The following DIP2C variants were observed in gnomAD, a reference collection of about 807,000 sequenced individuals.
The protein encoded by DIP2C is DIP2 acetate--CoA ligase C (putative).
Under a neutral mutation model 192.4 loss-of-function variants are expected in DIP2C, and 33 were observed. That is an observed-to-expected ratio of 0.17 (90% confidence interval 0.13 to 0.23). DIP2C has a LOEUF of 0.23. Among genes scored for constraint, DIP2C ranks in the 10% least tolerant of loss-of-function variants. The pLI, the probability that DIP2C is intolerant of heterozygous loss-of-function variation, is 1.00. For missense variants in DIP2C, 1,537 were observed against 2,110.1 expected (o/e 0.73, Z 5.32); for synonymous variants, 979 against 864.1 (o/e 1.13, Z -2.33).
At chr10:680,991 G>A (rs535717951) in intron 1 of DIP2C, among the ~76,000 whole-genome samples, 206 of 151,218 alleles carry the variant, frequency 1.4e-3, no homozygotes, top group African/African-American at 3.4e-3. Context: ...CACCGCCTGC[G>A]GCCACGGAAA....
chr10:393,792 A>AAAAAG (rs1963696176), intron 10 of DIP2C, among the ~76,000 whole-genome samples: 1 of 134,932 alleles, frequency 7.4e-6, no homozygotes, highest in Non-Finnish European at 1.7e-5. Context: ...AAAAAAAAAA[A>AAAAAG]AAAAGAAAAA....
chr10:365,634 G>A (rs1179207663), intron 19 of DIP2C, among the ~76,000 whole-genome samples: 1 of 152,244 alleles, frequency 6.6e-6, no homozygotes, highest in African/African-American at 2.4e-5. Flanking sequence ...TCTAAGGCCA[G>A]GACCTACTTG....
chr10:491,826 A>G (rs1844468062), intron 1 of DIP2C, among the ~76,000 whole-genome samples: 1 of 152,172 alleles, frequency 6.6e-6, no homozygotes, highest in South Asian at 2.1e-4. Flanking sequence ...TGATGGGAGG[A>G]CTCATGAACA....
chr10:283,562 G>T, intron 34 of DIP2C, 116 bp from the exon 35 acceptor site: 1 of 1,265,668 alleles, frequency 7.9e-7, no homozygotes, highest in Non-Finnish European at 1.1e-6. Flanking sequence ...ACGTTTCCTT[G>T]GACTGAATAA....
rs551948825 is a variant in DIP2C, at chr10:588,719, G to C, written c.85+100775C>G. 4.6e-5 allele frequency among the ~76,000 whole-genome samples: 7 copies of C among 152,342 alleles called. No individual in the cohort carries two copies. The South Asian group carries it at 1.4e-3, about 32-fold the overall frequency. ...GAGCTCCTCCAGCTGCCGTCCCGCA[G>C]GCGGGGAGGGTGGTGCCTGAACTGC... On this transcript the variant is annotated intron_variant, in intron 1 of 36. Transcript: ENST00000280886.
chr10:406,139 G>A (rs917785338), intron 9 of DIP2C, among the ~76,000 whole-genome samples: 3 of 152,178 alleles, frequency 2.0e-5, no homozygotes, highest in Non-Finnish European at 4.4e-5. Flanking sequence ...GTATCTGGAG[G>A]CCATACTATG....
intron 17 of DIP2C, among the ~76,000 whole-genome samples, chr10:374,010 G>C (rs1271894918): frequency 6.6e-6 from 1 of 151,960 alleles, no homozygotes; most frequent in Non-Finnish European, 1.5e-5. Context: ...ACCATACTTT[G>C]TCACCCCAAC....
At chr10:428,241 G>C (rs987672307) in intron 4 of DIP2C, among the ~76,000 whole-genome samples, 13 of 152,160 alleles carry the variant, frequency 8.5e-5, no homozygotes, top group African/African-American at 2.6e-4. Flanking sequence ...CAGAAAATTT[G>C]ATTTCTAGGG....
In DIP2C at chr10:666,895, A is replaced by G. The variant is rs1416021928; in HGVS notation, c.85+22599T>C. On this transcript the variant is annotated intron_variant, in intron 1 of 36. Coordinates refer to ENST00000280886, the MANE Select transcript of DIP2C (RefSeq NM_014974.3). The surrounding 1 kb of genome is among the most constrained non-coding windows in gnomAD (Gnocchi z 4.1). The stretch of plus-strand genomic sequence containing the variant: ...CAGTGCGCCTCCCAAAATCAGAAGC[A>G]GCTAAGCTGACCCCCACCTCATGTG... 1 of 152,428 alleles carries G rather than the reference A, an allele frequency of 6.6e-6. No homozygotes were observed. Among genetic ancestry groups the G allele is most frequent in the African/African-American group, 2.4e-5 (1 of 41,442 alleles). 9.4% of individuals were successfully genotyped at this position (152,428 alleles called of 1,614,324 possible). A position where few individuals can be genotyped will look rare whatever the true frequency, so the allele number is the denominator to read the frequency against.
intron 1 of DIP2C, among the ~76,000 whole-genome samples, chr10:489,291 G>A (rs911975066): frequency 5.3e-5 from 8 of 152,198 alleles, no homozygotes; most frequent in Non-Finnish European, 1.0e-4. Context: ...AAACCTTCTA[G>A]CAGCACTTTT....
At chr10:491,073 C>T (rs1354228118) in intron 1 of DIP2C, among the ~76,000 whole-genome samples, 1 of 152,222 alleles carries the variant, frequency 6.6e-6, no homozygotes, top group South Asian at 2.1e-4. Flanking sequence ...GACAGACACC[C>T]GGCCCTTGTG....
At chr10:341,129 G>A in intron 29 of DIP2C, 70 bp downstream of exon 29, 1 of 1,602,970 alleles carries the variant, frequency 6.2e-7, no homozygotes, top group South Asian at 1.1e-5. Flanking sequence ...AGGTTGCCTG[G>A]CTGGGTCTAA....
At chr10:537,326 G>C (rs1847745567) in intron 1 of DIP2C, among the ~76,000 whole-genome samples, 1 of 152,194 alleles carries the variant, frequency 6.6e-6, no homozygotes, top group South Asian at 2.1e-4. Context: ...GACTCAAACA[G>C]AGCAAGTGCA....
At chr10:492,617 C>A (rs775108024) in intron 1 of DIP2C, among the ~76,000 whole-genome samples, 2 of 152,222 alleles carry the variant, frequency 1.3e-5, no homozygotes, top group Admixed American at 6.5e-5. Flanking sequence ...ACAACACACA[C>A]ACGCACACAA....
chr10:414,462 C>A (rs1461228541), intron 7 of DIP2C, among the ~76,000 whole-genome samples: 1 of 151,924 alleles, frequency 6.6e-6, no homozygotes, highest in Non-Finnish European at 1.5e-5. Context: ...GATTTTGGAC[C>A]CCAAATTGCT....
chr10:537,539 C>T (rs1847756894), intron 1 of DIP2C, among the ~76,000 whole-genome samples: 1 of 151,982 alleles, frequency 6.6e-6, no homozygotes, highest in Admixed American at 6.5e-5. Context: ...ACATTTGTCC[C>T]CAGGGCACCC....
intron 8 of DIP2C, among the ~76,000 whole-genome samples, chr10:412,432 G>A (rs891925684): frequency 3.9e-5 from 6 of 152,230 alleles, no homozygotes; most frequent in Admixed American, 1.3e-4. Flanking sequence ...GGCCGGAGAT[G>A]AGGGTCACAT....
At chr10:286,198 G>GT (rs765056209) in intron 34 of DIP2C, 75 bp downstream of exon 34, 524 of 1,417,450 alleles carry the variant, frequency 3.7e-4, no homozygotes, top group Non-Finnish European at 4.8e-4. Flanking sequence ...CATGTGAGCA[G>GT]TTCTGATGGT....
chr10:294,626 T>C (rs1384322123), intron 32 of DIP2C, among the ~76,000 whole-genome samples: 2 of 150,308 alleles, frequency 1.3e-5, no homozygotes, highest in African/African-American at 2.4e-5. Flanking sequence ...AAGAAAAAAA[T>C]GCATTAACGT....
Sources: gnomAD v4.1 joint callset for allele counts (sites outside exome capture counted in the v4.1 genomes callset) on GRCh38, gnomAD v4.1.1 for gene constraint, Gnocchi (gnomAD v3.1) non-coding constraint, MANE v1.5 for transcripts, NCBI Gene and HGNC (gene_info 2026-07-23, HGNC 2026-07-21) for gene names.